The following COX10 variants were observed in gnomAD, a reference collection of about 807,000 sequenced individuals.
COX10 encodes the protein cytochrome c oxidase assembly factor heme A:farnesyltransferase COX10.
COX10 carries 27 observed loss-of-function variants against 37.3 expected under a neutral mutation model. The observed-to-expected ratio is 0.72, with a 90% CI of 0.53 to 1.00. The LOEUF (loss-of-function observed/expected upper bound fraction) is 1.00, where lower values mean the gene tolerates loss of function less well. Among genes scored for constraint, COX10 ranks in the 50% least tolerant of loss-of-function variants. COX10 has a pLI of 0.00. For synonymous variants in COX10, 222 were observed against 229.1 expected, an observed-to-expected ratio of 0.97 and a Z score of 0.28; for missense variants, 475 against 563.2, an observed-to-expected ratio of 0.84 and a Z score of 1.59.
intron 4 of COX10, among the ~76,000 whole-genome samples, chr17:14,122,351 A>T (rs983622688): frequency 1.3e-5 from 2 of 152,116 alleles, no homozygotes; most frequent in Non-Finnish European, 2.9e-5. Flanking sequence ...AAAATCTTCA[A>T]TGTGCTCTGG....
At chr17:14,170,337 A>C (rs1905424016) in intron 5 of COX10, among the ~76,000 whole-genome samples, 1 of 152,194 alleles carries the variant, frequency 6.6e-6, no homozygotes, top group African/African-American at 2.4e-5. Context: ...TAACTTGGTG[A>C]CTGGAAAAAG....
At chr17:14,195,153 CA>C (rs1258333350) in intron 6 of COX10, among the ~76,000 whole-genome samples, 5 of 152,156 alleles carry the variant, frequency 3.3e-5, no homozygotes, top group African/African-American at 9.7e-5. Flanking sequence ...TAAACTACTT[CA>C]AAAAAGTTTC....
In COX10 at chr17:14,207,059, C is replaced by T. The variant is rs1906727136; in HGVS notation, c.1178C>T (p.Ser393Phe). Residue 393 changes from serine to phenylalanine, a missense_variant, in exon 7 of 7, where the codon TCC becomes TTC. Coordinates refer to ENST00000261643, the MANE Select transcript of COX10 (RefSeq NM_001303.4). ...GCCCTTCCCATCAATGCGTACATCTCCTACCTCGGCTTCCGCTTCTACGTG... is the reference window on the plus strand; with the variant it reads ...GCCCTTCCCATCAATGCGTACATCTTCTACCTCGGCTTCCGCTTCTACGTG... Reference protein sequence around the residue: ...IMALPINAYISYLGFRFYVDA... With the variant: ...IMALPINAYIFYLGFRFYVDA... 1 of 1,613,960 alleles carries T rather than the reference C, an allele frequency of 6.2e-7. No homozygotes were observed. The highest frequency in any genetic ancestry group is 1.7e-5 in the Admixed American group (1 of 60,010).
At chr17:14,175,967 G>T (rs1255670194) in intron 5 of COX10, among the ~76,000 whole-genome samples, 1 of 152,158 alleles carries the variant, frequency 6.6e-6, no homozygotes, top group Non-Finnish European at 1.5e-5. Context: ...AACTCCATGT[G>T]CAGTGGGAGA....
At chr17:14,139,212 TA>T (rs1191020682) in intron 4 of COX10, among the ~76,000 whole-genome samples, 1 of 152,150 alleles carries the variant, frequency 6.6e-6, no homozygotes, top group Non-Finnish European at 1.5e-5. Context: ...TTTATCAATA[TA>T]AAAAAGGCAC....
At chr17:14,149,008 A>G (rs1453396357) in intron 4 of COX10, among the ~76,000 whole-genome samples, 1 of 148,414 alleles carries the variant, frequency 6.7e-6, no homozygotes, top group Non-Finnish European at 1.5e-5. Flanking sequence ...TATAACATAT[A>G]TAACAATATA....
intron 4 of COX10, among the ~76,000 whole-genome samples, chr17:14,123,155 TAA>T (rs1240484337): frequency 2.6e-5 from 4 of 152,146 alleles, no homozygotes; most frequent in African/African-American, 9.7e-5. Flanking sequence ...ACCACATGAG[TAA>T]AGAGTAGGAA....
At chr17:14,172,425 G>T (rs558043611) in intron 5 of COX10, among the ~76,000 whole-genome samples, 3 of 152,002 alleles carry the variant, frequency 2.0e-5, no homozygotes, top group East Asian at 1.9e-4. Context: ...CAACATCTTC[G>T]TTTTTTGTCT....
In COX10 at chr17:14,133,225, G is replaced by C. The variant is rs534251308; in HGVS notation, c.625-26652G>C. 4.7e-4 allele frequency among the ~76,000 whole-genome samples: 71 copies of C among 151,720 alleles called. No homozygotes were observed. The South Asian group carries it at 0.014, about 30-fold the overall frequency. The stretch of plus-strand genomic sequence containing the variant: ...TTTAATAATCAAAAGTATTGAAGAA[G>C]TACCTATTTACATCTAAACATGAAA... On this transcript the variant is annotated intron_variant, in intron 4 of 6. Transcript: ENST00000261643.
chr17:14,168,366 G>A (rs1056568108), intron 5 of COX10, among the ~76,000 whole-genome samples: 9 of 152,144 alleles, frequency 5.9e-5, no homozygotes, highest in African/African-American at 2.2e-4. Context: ...GGCTTTTCCA[G>A]GCACATAGTG....
At chr17:14,139,301 A>T (rs562410020) in intron 4 of COX10, among the ~76,000 whole-genome samples, 55 of 152,286 alleles carry the variant, frequency 3.6e-4, no homozygotes, top group Middle Eastern at 3.4e-3. Context: ...GCTTTAATAA[A>T]ATTATGAATG....
intron 5 of COX10, chr17:14,177,384 A>G (rs1905726379): frequency 4.3e-6 from 2 of 462,750 alleles, no homozygotes; most frequent in East Asian, 6.7e-5. Flanking sequence ...TGATTGTCTT[A>G]TCATGTTTGG....
chr17:14,097,974 A>G (rs1351166495), intron 3 of COX10, among the ~76,000 whole-genome samples: 3 of 152,182 alleles, frequency 2.0e-5, no homozygotes, highest in Non-Finnish European at 2.9e-5. Context: ...GACAGGAAAA[A>G]AAAAGTCTGT....
At chr17:14,141,042 AT>A (rs148875855) in intron 4 of COX10, among the ~76,000 whole-genome samples, 30 of 149,840 alleles carry the variant, frequency 2.0e-4, no homozygotes, top group South Asian at 4.2e-4. Context: ...ATCGTCTAGG[AT>A]TTTTTTTTTG....
intron 3 of COX10, among the ~76,000 whole-genome samples, chr17:14,097,959 A>C (rs1915686285): frequency 6.6e-6 from 1 of 152,172 alleles, no homozygotes. Flanking sequence ...TGTTTACAGA[A>C]TAATGACAGG....
chr17:14,150,558 A>G (rs993783046), intron 4 of COX10, among the ~76,000 whole-genome samples: 1 of 152,176 alleles, frequency 6.6e-6, no homozygotes, highest in African/African-American at 2.4e-5. Context: ...ATTGGAATTA[A>G]TGTCCAGCCT....
At chr17:14,142,989 C>A (rs184387495) in intron 4 of COX10, among the ~76,000 whole-genome samples, 2 of 152,278 alleles carry the variant, frequency 1.3e-5, no homozygotes, top group African/African-American at 4.8e-5. Context: ...GAATTTTCAG[C>A]CTTTTTACAT....
At chr17:14,069,760 C>G (rs1231020101) in intron 1 of COX10, 112 bp downstream of exon 1, 9 of 1,318,348 alleles carry the variant, frequency 6.8e-6, no homozygotes, top group Non-Finnish European at 9.7e-6. Context: ...CGAGGTTGGC[C>G]GGCCACCGGT....
intron 6 of COX10, among the ~76,000 whole-genome samples, chr17:14,201,028 T>C (rs1906528183): frequency 6.6e-6 from 1 of 152,190 alleles, no homozygotes; most frequent in African/African-American, 2.4e-5. Flanking sequence ...CAGAGGACTT[T>C]GAAAACAGAC....
Sources: gnomAD v4.1 joint callset for allele counts (sites outside exome capture counted in the v4.1 genomes callset) on GRCh38, gnomAD v4.1.1 for gene constraint, MANE v1.5 for transcripts, NCBI Gene and HGNC (gene_info 2026-07-23, HGNC 2026-07-21) for gene names.